Variants in CHD1L observed in about 807,000 individuals in gnomAD.
CHD1L encodes the protein chromodomain helicase DNA binding protein 1 like.
Under a neutral mutation model 115.9 loss-of-function variants are expected in CHD1L, and 118 were observed. The observed-to-expected ratio is 1.02, with a 90% CI of 0.88 to 1.19. CHD1L has a LOEUF of 1.19. Ranked by LOEUF, CHD1L falls within the 50% of genes most tolerant of loss-of-function variation. The pLI, the probability that CHD1L is intolerant of heterozygous loss-of-function variation, is 0.00. For synonymous variants in CHD1L, 411 were observed against 387.1 expected (o/e 1.06, Z -0.72); for missense variants, 1,179 against 1,065.3 (o/e 1.11, Z -1.49).
At chr1:147,215,989 T>G in the CHD1L span, 1 of 1,416,546 alleles carries the variant, frequency 7.1e-7, no homozygotes, top group Admixed American at 2.0e-5. Context: ...ATCATCTTCA[T>G]GTTTTATAAT....
At chr1:147,265,702 TAAG>T (rs587659390) in intron 7 of CHD1L, among the ~76,000 whole-genome samples, 88 of 152,312 alleles carry the variant, frequency 5.8e-4, no homozygotes, top group African/African-American at 1.8e-3. Context: ...GCAAATGAGA[TAAG>T]AAGTTATTTG....
chr1:147,237,327 TAGCTGCACCCAGG>T, the CHD1L span, among the ~76,000 whole-genome samples: 45 of 151,960 alleles, frequency 3.0e-4, no homozygotes, highest in East Asian at 6.6e-3. Flanking sequence ...TGAGCAGCTA[TAGCTGCACCCAGG>T]AGGGTGGGGC....
At chr1:147,184,437 A>C in the CHD1L span, 1 of 1,395,998 alleles carries the variant, frequency 7.2e-7, no homozygotes, top group East Asian at 2.7e-5. This position sits in a 1 kb window ranked among gnomAD's most constrained non-coding sequence, Gnocchi z 4.4. Flanking sequence ...ATTTTTACTT[A>C]AAGTTCTTTT....
intron 21 of CHD1L, 78 bp from the exon 22 acceptor site, chr1:147,294,331 A>T: frequency 1.1e-6 from 1 of 920,032 alleles, no homozygotes; most frequent in Non-Finnish European, 1.6e-6. Flanking sequence ...AGTCAATAAT[A>T]ATTTTCTCCC....
the CHD1L span, among the ~76,000 whole-genome samples, chr1:147,226,107 C>CTTTTTT: frequency 1.8e-4 from 27 of 147,878 alleles, no homozygotes; most frequent in Non-Finnish European, 2.2e-4. Context: ...ATTTATCTTA[C>CTTTTTT]TTTTTTTTTT....
chr1:147,273,026 C>G lies in CHD1L; in HGVS notation c.1270+745C>G, dbSNP rs138471711. On this transcript the variant is annotated intron_variant, in intron 12 of 22. Coordinates refer to ENST00000369258, the MANE Select transcript of CHD1L (RefSeq NM_004284.6). ...ACCAGCCTGGCCAACATGGTGAAACCCCGTCTCTACTTAAAAAAATACAAA... is the reference window on the plus strand; with the variant it reads ...ACCAGCCTGGCCAACATGGTGAAACGCCGTCTCTACTTAAAAAAATACAAA... Among the ~76,000 whole-genome samples, 13 of 152,092 alleles carry G rather than the reference C, an allele frequency of 8.5e-5. No homozygotes were observed. In the East Asian group the frequency reaches 2.5e-3, roughly 29 times the overall value.
the CHD1L span, among the ~76,000 whole-genome samples, chr1:147,185,384 T>C: frequency 1.3e-5 from 2 of 152,186 alleles, no homozygotes; most frequent in African/African-American, 4.8e-5. Flanking sequence ...AGACATTCAA[T>C]TTGCTTTTGA....
rs587660052 is a variant in CHD1L at position 147,275,562 on chromosome 1, T to C, written c.1385+94T>C. 101 of 972,480 alleles carry C rather than the reference T, an allele frequency of 1.0e-4. 1 individual carries two copies. In the East Asian group the frequency reaches 1.2e-3, roughly 11 times the overall value. The allele number at this position is 972,480 out of a possible 1,614,324, so 60.2% of individuals were successfully genotyped here. A position where few individuals can be genotyped will look rare whatever the true frequency, so the allele number is the denominator to read the frequency against. On this transcript the variant is annotated intron_variant, in intron 13 of 22. Coordinates refer to ENST00000369258, the MANE Select transcript of CHD1L (RefSeq NM_004284.6). ...TATAGTCCTGGTGACAGTCCCACAC[T>C]GGGAGCTGAGAGACCACCAGGTTTT... is the stretch of plus-strand genomic sequence containing the variant.
At chr1:147,181,508 G>A in the CHD1L span, among the ~76,000 whole-genome samples, 1 of 152,288 alleles carries the variant, frequency 6.6e-6, no homozygotes, top group South Asian at 2.1e-4. Flanking sequence ...TGTGAGGAAA[G>A]GAGACAACAT....
At chr1:147,293,456 TAGTAGGAC>T (rs1305574581) in intron 20 of CHD1L, 144 bp from the exon 21 acceptor site, 47 of 656,518 alleles carry the variant, frequency 7.2e-5, no homozygotes, top group Non-Finnish European at 1.2e-4. Context: ...GTCATACATA[TAGTAGGAC>T]ATTGCTGTTC....
At chr1:147,231,829 C>A in the CHD1L span, among the ~76,000 whole-genome samples, 1 of 152,154 alleles carries the variant, frequency 6.6e-6, no homozygotes, top group Non-Finnish European at 1.5e-5. Context: ...TGCTGTCTGT[C>A]GCCCCTTTCT....
chr1:147,198,008 G>A, the CHD1L span, among the ~76,000 whole-genome samples: 2 of 152,160 alleles, frequency 1.3e-5, no homozygotes, highest in African/African-American at 4.8e-5. Flanking sequence ...GTGGTGGTAG[G>A]CCTTCAGTCT....
At chr1:147,255,141 G>A (rs1244379975) in intron 3 of CHD1L, among the ~76,000 whole-genome samples, 165 bp downstream of exon 3, 1 of 152,128 alleles carries the variant, frequency 6.6e-6, no homozygotes, top group Non-Finnish European at 1.5e-5. Flanking sequence ...ATATAATAGG[G>A]GAAGAGTAAT....
At chr1:147,264,335 C>T in intron 6 of CHD1L, 87 bp from the exon 7 acceptor site, 1 of 1,215,174 alleles carries the variant, frequency 8.2e-7, no homozygotes, top group South Asian at 1.5e-5. Flanking sequence ...TCATGCCTCT[C>T]TCTGTGTGGG....
chr1:147,193,811 G>T, the CHD1L span, among the ~76,000 whole-genome samples: 18 of 152,226 alleles, frequency 1.2e-4, no homozygotes, highest in South Asian at 3.5e-3. Context: ...ATGTAGTTGA[G>T]TGGTTTTGAG....
the CHD1L span, among the ~76,000 whole-genome samples, chr1:147,231,555 A>G: frequency 1.3e-5 from 2 of 152,030 alleles, no homozygotes; most frequent in Non-Finnish European, 2.9e-5. Context: ...CAATTCCTGT[A>G]TATCCTTGTT....
chr1:147,229,178 A>T, the CHD1L span, among the ~76,000 whole-genome samples: 1 of 152,052 alleles, frequency 6.6e-6, no homozygotes, highest in Non-Finnish European at 1.5e-5. Context: ...TCTTGAATTA[A>T]TTTTTTATAA....
intron 19 of CHD1L, 48 bp from the exon 20 acceptor site, chr1:147,291,434 T>C (rs1572211742): frequency 1.4e-6 from 2 of 1,449,066 alleles, no homozygotes. Flanking sequence ...GATTCATTCA[T>C]TAGTGAACTT....
At chr1:147,211,669 A>C in the CHD1L span, 1 of 152,244 alleles carries the variant, frequency 6.6e-6, no homozygotes, top group African/African-American at 2.4e-5. Context: ...TAATAACAAA[A>C]TACAATATTG....
Sources: gnomAD v4.1 joint callset for allele counts (sites outside exome capture counted in the v4.1 genomes callset) on GRCh38, gnomAD v4.1.1 for gene constraint, Gnocchi (gnomAD v3.1) non-coding constraint, MANE v1.5 for transcripts, NCBI Gene and HGNC (gene_info 2026-07-23, HGNC 2026-07-21) for gene names.